The following C4BPB variants were observed in gnomAD, a reference collection of about 807,000 sequenced individuals.
The protein encoded by C4BPB is C4b-binding protein beta chain.
Under a neutral mutation model 26.6 loss-of-function variants are expected in C4BPB, and 19 were observed. The observed-to-expected ratio is 0.71, with a 90% confidence interval of 0.50 to 1.05. The LOEUF is 1.05. Among genes scored for constraint, C4BPB ranks in the 50% least tolerant of loss-of-function variants. C4BPB has a pLI of 0.00. For missense variants in C4BPB, 282 were observed against 302.9 expected, an observed-to-expected ratio of 0.93 and a Z score of 0.51; for synonymous variants, 118 against 103.5, an observed-to-expected ratio of 1.14 and a Z score of -0.85.
rs1485452261 is a variant in C4BPB at position 207,091,694 on chromosome 1, G to A, written c.283G>A (p.Gly95Arg). The A allele has an allele frequency of 6.2e-7, 1 of 1,614,010 alleles. No individual in the cohort carries two copies. The highest frequency in any genetic ancestry group is 1.7e-5 in the Admixed American group (1 of 60,012). Residue 95 changes from glycine to arginine, a missense_variant, in exon 4 of 7, where the codon GGG becomes AGG. Coordinates refer to ENST00000367078, the MANE Select transcript of C4BPB (RefSeq NM_001017365.3). ...VLVNGEFSSS[G>R]PVNVSDKITF... ...GGTGAATGGAGAGTTCAGTTCTTCA[G>A]GGCCTGTGAATGTAAGTGACAAAAT...
chr1:207,092,421 T>C (rs1684066941), intron 4 of C4BPB, among the ~76,000 whole-genome samples: 1 of 152,090 alleles, frequency 6.6e-6, no homozygotes, highest in Non-Finnish European at 1.5e-5. Context: ...TTTAAATTGC[T>C]TTTTTTCATG....
chr1:207,090,604 C>G, intron 3 of C4BPB, 123 bp downstream of exon 3: 1 of 830,178 alleles, frequency 1.2e-6, no homozygotes, highest in East Asian at 2.9e-5. Context: ...TTCTAGGAGA[C>G]CTCTTTTAAA....
intron 5 of C4BPB, 121 bp from the exon 6 acceptor site, chr1:207,098,029 C>A: frequency 1.3e-6 from 1 of 756,052 alleles, no homozygotes; most frequent in Non-Finnish European, 2.3e-6. Flanking sequence ...CATTGAGGCT[C>A]AAGGGCAGGG....
At position 207,090,338 on chromosome 1, in the gene C4BPB, A is replaced by G; in HGVS notation, c.89A>G (p.Asp30Gly). ...CACTGTCCAGAGCTTCCTCCAGTGG[A>G]CAATAGCATATTTGTCGCAAAGGAG... ...AEHCPELPPV[D>G]NSIFVAKEVE... Residue 30 changes from aspartate (D) to glycine (G), a missense_variant, in exon 3 of 7, where the codon GAC becomes GGC. Physicochemically the swap from Asp to Gly is moderately conservative, Grantham distance 94. Coordinates refer to ENST00000367078, the MANE Select transcript of C4BPB (RefSeq NM_001017365.3). 6.2e-7 allele frequency: 1 copy of G among 1,613,692 alleles called. No individual in the cohort carries two copies. Among genetic ancestry groups the G allele is most frequent in the Non-Finnish European group, 8.5e-7 (1 of 1,179,844 alleles).
rs1162974074 is a variant in C4BPB at position 207,096,558 on chromosome 1, A to G, written c.446A>G (p.Tyr149Cys). 6.2e-7 allele frequency: 1 copy of G among 1,610,158 alleles called. No individual in the cohort carries two copies. The highest frequency in any genetic ancestry group is 8.5e-7 in the Non-Finnish European group (1 of 1,176,946). ...CCTCCTGGGAATCCAGTTCATGGCT[A>G]TTTTGAAGGAAATAACTTCACCTTA... ...CDPPGNPVHGYFEGNNFTLGS... is the reference protein window; with the variant it reads ...CDPPGNPVHGCFEGNNFTLGS... Residue 149 changes from tyrosine to cysteine, a missense_variant, in exon 5 of 7, where the codon TAT becomes TGT. Physicochemically the swap from Tyr to Cys is radical, Grantham distance 194. Coordinates refer to ENST00000367078, the MANE Select transcript of C4BPB (RefSeq NM_001017365.3).
At chr1:207,098,738 G>C (rs1572763713) in intron 6 of C4BPB, among the ~76,000 whole-genome samples, 1 of 152,194 alleles carries the variant, frequency 6.6e-6, no homozygotes, top group African/African-American at 2.4e-5. Context: ...GGAGCCCTGA[G>C]CTTGTTTTCC....
At position 207,091,734 on chromosome 1, in the gene C4BPB, A is replaced by G. The variant is rs752343117; in HGVS notation, c.323A>G (p.Asn108Ser). The G allele has an allele frequency of 1.9e-6, 3 of 1,614,110 alleles. No homozygotes were observed. The highest frequency in any genetic ancestry group is 8.5e-7 in the Non-Finnish European group (1 of 1,179,982). Reference sequence around the variant, plus strand: ...AGTGACAAAATCACGTTTATGTGCAATGACCACTACATCCTCAAGGGCAGC... The same window carrying G: ...AGTGACAAAATCACGTTTATGTGCAGTGACCACTACATCCTCAAGGGCAGC... ...NVSDKITFMC[N>S]DHYILKGSNR... Residue 108 changes from asparagine (N) to serine (S), a missense_variant, in exon 4 of 7, where the codon AAT becomes AGT. Transcript: ENST00000367078.
intron 5 of C4BPB, 81 bp downstream of exon 5, chr1:207,096,696 C>T: frequency 4.0e-6 from 3 of 754,532 alleles, no homozygotes; most frequent in Non-Finnish European, 4.5e-6. Context: ...CTGTGTCCAC[C>T]TGGTCATCTG....
At chr1:207,091,421 G>T (rs978041467) in intron 3 of C4BPB, among the ~76,000 whole-genome samples, 5 of 152,178 alleles carry the variant, frequency 3.3e-5, no homozygotes, top group African/African-American at 1.2e-4. Context: ...GCCAATTCAT[G>T]TTGTTCTTGT....
intron 5 of C4BPB, among the ~76,000 whole-genome samples, chr1:207,097,170 T>C (rs890329040): frequency 6.6e-6 from 1 of 152,144 alleles, no homozygotes; most frequent in Non-Finnish European, 1.5e-5. Context: ...GATACTCTGT[T>C]TTAAAATAAA....
chr1:207,095,320 C>G lies in C4BPB; in HGVS notation c.410-1202C>G, dbSNP rs530168620. The G allele has an allele frequency of 1.2e-3, 560 of 456,600 alleles. 1 individual carries two copies. The highest frequency in any genetic ancestry group is 1.8e-3 in the Non-Finnish European group (409 of 226,952). The allele number at this position is 456,600 out of a possible 1,614,324, so 28.3% of individuals were successfully genotyped here. ...ACAGACTCGTCCTCTTCCCTTCCAG[C>G]CATGTTCTCCCCTATTTCTTTTTCT... is the stretch of plus-strand genomic sequence containing the variant. On this transcript the variant is annotated intron_variant, in intron 4 of 6. Coordinates refer to ENST00000367078, the MANE Select transcript of C4BPB (RefSeq NM_001017365.3).
rs1375606769 is a variant in C4BPB, at chr1:207,090,446, C to G, written c.197C>G (p.Ser66Cys). The G allele has an allele frequency of 5.0e-6, 8 of 1,613,804 alleles. No individual in the cohort carries two copies. The Admixed American group carries it at 5.0e-5, about 10-fold the overall frequency. The change falls in exon 3 of 7, where the codon TCT becomes TGT. Residue 66 changes from serine (S) to cysteine (C), a missense_variant. Physicochemically the swap from Ser to Cys is moderately radical, Grantham distance 112. Coordinates refer to ENST00000367078, the MANE Select transcript of C4BPB (RefSeq NM_001017365.3). ...VGKKTLFCNASKEWDNTTTEC... is the reference protein window; with the variant it reads ...VGKKTLFCNACKEWDNTTTEC... ...AAGAAGACCCTTTTTTGCAATGCCT[C>G]TAAGGAGTGGGATAACACCACTACT... is the stretch of plus-strand genomic sequence containing the variant.
At chr1:207,099,416 G>A (rs562558769) in intron 6 of C4BPB, among the ~76,000 whole-genome samples, 7 of 152,286 alleles carry the variant, frequency 4.6e-5, no homozygotes, top group South Asian at 4.1e-4. Flanking sequence ...CTAATAGTCC[G>A]TGGACCGGTA....
At chr1:207,096,475 G>A (rs1177964377) in intron 4 of C4BPB, 47 bp from the exon 5 acceptor site, 1 of 1,128,142 alleles carries the variant, frequency 8.9e-7, no homozygotes, top group Admixed American at 1.7e-5. Context: ...TGTTCATTGA[G>A]CGTGCCTGGC....
chr1:207,090,798 T>C (rs1683996614), intron 3 of C4BPB, among the ~76,000 whole-genome samples: 1 of 152,232 alleles, frequency 6.6e-6, no homozygotes, highest in African/African-American at 2.4e-5. Flanking sequence ...GTTTATGTTA[T>C]GGAAAATTTA....
chr1:207,099,703 G>A (rs1158444216), intron 6 of C4BPB, 86 bp from the exon 7 acceptor site: 2 of 1,123,496 alleles, frequency 1.8e-6, no homozygotes, highest in African/African-American at 3.1e-5. Context: ...CCCATTCAGA[G>A]AGCTAACTGC....
intron 4 of C4BPB, chr1:207,095,193 C>A: frequency 2.4e-6 from 1 of 422,924 alleles, no homozygotes; most frequent in Non-Finnish European, 4.7e-6. Flanking sequence ...AGGAAGGAAG[C>A]CAAGAGGAGC....
intron 6 of C4BPB, among the ~76,000 whole-genome samples, chr1:207,098,594 G>A (rs1416618187): frequency 1.3e-5 from 2 of 152,186 alleles, no homozygotes; most frequent in African/African-American, 4.8e-5. Flanking sequence ...TTCCACGGAT[G>A]GGGGTGGGGA....
intron 4 of C4BPB, among the ~76,000 whole-genome samples, chr1:207,093,498 T>C (rs891044539): frequency 2.0e-5 from 3 of 152,144 alleles, no homozygotes; most frequent in South Asian, 2.1e-4. Context: ...TACATATAAG[T>C]AGAACAGATT....
Sources: gnomAD v4.1 joint callset for allele counts (sites outside exome capture counted in the v4.1 genomes callset) on GRCh38, gnomAD v4.1.1 for gene constraint, MANE v1.5 for transcripts, NCBI Gene and HGNC (gene_info 2026-07-23, HGNC 2026-07-21) for gene names.